ATP2C1: variants seen among roughly 807,000 people sequenced by gnomAD.
ATP2C1 encodes the protein ATPase secretory pathway Ca2+ transporting 1.
ATP2C1 carries 31 observed loss-of-function variants against 120.5 expected under a neutral mutation model. The observed-to-expected ratio is 0.26, with a 90% CI of 0.19 to 0.35. ATP2C1 has a LOEUF of 0.35. ATP2C1 is among the 10% of genes least tolerant of loss of function. The pLI is 1.00. For synonymous variants in ATP2C1, 351 were observed against 358.7 expected, an observed-to-expected ratio of 0.98 and a Z score of 0.24; for missense variants, 731 against 1,107.5, an observed-to-expected ratio of 0.66 and a Z score of 4.83.
At chr3:130,895,245 C>A (rs960022407) in intron 2 of ATP2C1, among the ~76,000 whole-genome samples, 2 of 152,026 alleles carry the variant, frequency 1.3e-5, no homozygotes, top group African/African-American at 4.8e-5. Flanking sequence ...GGAAAAAACT[C>A]ATTATTTTTC....
chr3:130,913,081 T>C (rs1409286006), intron 2 of ATP2C1, among the ~76,000 whole-genome samples: 47 of 116,804 alleles, frequency 4.0e-4, no homozygotes, highest in Admixed American at 1.3e-3. Context: ...GGAAGGGGAA[T>C]ATCACACTCT....
chr3:130,981,766 G>T (rs564673242), intron 20 of ATP2C1, among the ~76,000 whole-genome samples: 3 of 152,276 alleles, frequency 2.0e-5, no homozygotes, highest in South Asian at 2.1e-4. Flanking sequence ...GTGTACAATG[G>T]TATCTTACTG....
chr3:130,929,848 C>T (rs775052699), intron 2 of ATP2C1: 8 of 171,752 alleles, frequency 4.7e-5, no homozygotes, highest in Non-Finnish European at 7.5e-5. Flanking sequence ...ACCAGCTCCC[C>T]TTCACTAACC....
At chr3:130,850,884 A>G (rs2067654322) in exon 1 of ATP2C1, 5 of 1,427,076 alleles carry the variant, frequency 3.5e-6, no homozygotes, top group Non-Finnish European at 4.6e-6. Context: ...CCATGCAATT[A>G]GGAGATATTT....
At chr3:130,929,449 A>T (rs2059362121) in intron 2 of ATP2C1, among the ~76,000 whole-genome samples, 1 of 152,220 alleles carries the variant, frequency 6.6e-6, no homozygotes, top group Non-Finnish European at 1.5e-5. Flanking sequence ...AGTTTTAGGG[A>T]AATATTTTAT....
At chr3:131,007,899 C>T (rs544887656), downstream of ATP2C1, among the ~76,000 whole-genome samples, 1 of 152,320 alleles carries the variant, frequency 6.6e-6, no homozygotes, top group South Asian at 2.1e-4. Flanking sequence ...ACAAACTTTA[C>T]ATTTAAGCAT....
At chr3:130,954,530 G>T (rs1414248476) in intron 9 of ATP2C1, among the ~76,000 whole-genome samples, 1 of 152,090 alleles carries the variant, frequency 6.6e-6, no homozygotes, top group Non-Finnish European at 1.5e-5. Context: ...TTGTCGTCCA[G>T]GCTGGAGTGC....
intron 2 of ATP2C1, chr3:130,918,478 T>G: frequency 1.2e-6 from 1 of 807,810 alleles, no homozygotes; most frequent in Non-Finnish European, 2.2e-6. Context: ...TGAGCAAATT[T>G]AGAAGTCTTT....
At chr3:130,888,074 C>G (rs1050933979) in intron 1 of ATP2C1, among the ~76,000 whole-genome samples, 3 of 152,032 alleles carry the variant, frequency 2.0e-5, no homozygotes, top group African/African-American at 7.3e-5. Context: ...GTGGATCCTT[C>G]CCTTCGAGGC....
At chr3:130,856,721 G>A (rs947563834) in intron 1 of ATP2C1, among the ~76,000 whole-genome samples, 1 of 152,112 alleles carries the variant, frequency 6.6e-6, no homozygotes, top group African/African-American at 2.4e-5. Flanking sequence ...AGGGGTTTGT[G>A]TGGTCCAGCT....
At chr3:130,944,628 G>A (rs1042248931) in intron 8 of ATP2C1, among the ~76,000 whole-genome samples, 4 of 152,150 alleles carry the variant, frequency 2.6e-5, no homozygotes, top group African/African-American at 4.8e-5. Flanking sequence ...GAGCTATATA[G>A]CATGTGACTT....
At chr3:131,008,527 C>G (rs911780258) in intron 26 of ATP2C1, among the ~76,000 whole-genome samples, 1 of 151,984 alleles carries the variant, frequency 6.6e-6, no homozygotes, top group African/African-American at 2.4e-5. Flanking sequence ...CACAACTATC[C>G]ACATTCATTT....
chr3:130,936,267 T>C (rs1472591476), intron 5 of ATP2C1, among the ~76,000 whole-genome samples: 1 of 152,150 alleles, frequency 6.6e-6, no homozygotes, highest in Admixed American at 6.5e-5. Context: ...TGGGCAATCT[T>C]GGGGAAGATT....
At chr3:130,941,252 G>GTGTGTGTGTGTGTGTGTGTGTC (rs1553764222) in intron 7 of ATP2C1, among the ~76,000 whole-genome samples, 6 of 144,384 alleles carry the variant, frequency 4.2e-5, no homozygotes, top group South Asian at 2.2e-4. Context: ...GTGTGTGTGT[G>GTGTGTGTGTGTGTGTGTGTGTC]TGTGTGTGTG....
chr3:130,995,628 G>A (rs113027588), intron 22 of ATP2C1, among the ~76,000 whole-genome samples: 6 of 151,492 alleles, frequency 4.0e-5, no homozygotes, highest in Non-Finnish European at 7.4e-5. Flanking sequence ...TGTATTAGTT[G>A]GAATTTTATT....
intron 1 of ATP2C1, among the ~76,000 whole-genome samples, chr3:130,853,776 T>C (rs2107688682): frequency 6.6e-6 from 1 of 152,300 alleles, no homozygotes; most frequent in East Asian, 1.9e-4. Context: ...CATGCACACA[T>C]GACACTGGAT....
chr3:130,945,368 T>G (rs2060100433), intron 8 of ATP2C1, among the ~76,000 whole-genome samples: 1 of 152,126 alleles, frequency 6.6e-6, no homozygotes, highest in Admixed American at 6.5e-5. Flanking sequence ...TTTCATTTAT[T>G]TATTTTTTAT....
intron 1 of ATP2C1, among the ~76,000 whole-genome samples, chr3:130,883,320 T>C (rs2068845299): frequency 6.6e-6 from 1 of 152,190 alleles, no homozygotes; most frequent in South Asian, 2.1e-4. Flanking sequence ...GACATTTTTA[T>C]TGTTTTCTTC....
At chr3:130,904,021 G>T (rs1038653169) in intron 2 of ATP2C1, among the ~76,000 whole-genome samples, 3 of 152,080 alleles carry the variant, frequency 2.0e-5, no homozygotes, top group Non-Finnish European at 4.4e-5. Context: ...GTAGTTAACT[G>T]TTGGATGCAA....
Sources: gnomAD v4.1 joint callset for allele counts (sites outside exome capture counted in the v4.1 genomes callset) on GRCh38, gnomAD v4.1.1 for gene constraint, MANE v1.5 for transcripts, NCBI Gene and HGNC (gene_info 2026-07-23, HGNC 2026-07-21) for gene names.